TMTC1: variants seen among roughly 807,000 people sequenced by gnomAD.
The protein encoded by TMTC1 is transmembrane O-mannosyltransferase targeting cadherins 1.
In TMTC1, 73 loss-of-function variants were observed where a neutral mutation model predicts 104.8. The ratio of observed to expected loss-of-function variants is 0.70; its 90% CI spans 0.58 to 0.85. The LOEUF is 0.85. Ranked by LOEUF, TMTC1 falls within the 40% of genes least tolerant of loss-of-function variation. TMTC1 has a pLI of 0.00. For missense variants in TMTC1, 1,035 were observed against 1,096.1 expected (o/e 0.94, Z 0.79); for synonymous variants, 434 against 428.7 (o/e 1.01, Z -0.15).
intron 5 of TMTC1, among the ~76,000 whole-genome samples, chr12:29,708,760 T>C (rs1473012476): frequency 6.6e-6 from 1 of 152,184 alleles, no homozygotes; most frequent in Admixed American, 6.5e-5. Context: ...TGTACCGTCT[T>C]GAGCCCTTAG....
intron 5 of TMTC1, among the ~76,000 whole-genome samples, chr12:29,662,640 T>A (rs1181116883): frequency 1.2e-4 from 12 of 96,322 alleles, no homozygotes; most frequent in Admixed American, 9.6e-5. Flanking sequence ...ACAGTCCAGC[T>A]TGGGTGACAG....
chr12:29,621,718 G>C (rs1471969540), intron 6 of TMTC1, among the ~76,000 whole-genome samples: 1 of 152,182 alleles, frequency 6.6e-6, no homozygotes, highest in Non-Finnish European at 1.5e-5. Flanking sequence ...CTGTTTATCA[G>C]CTCTGTGTGG....
At chr12:29,758,243 G>A (rs1000958597) in intron 3 of TMTC1, among the ~76,000 whole-genome samples, 9 of 152,160 alleles carry the variant, frequency 5.9e-5, no homozygotes, top group African/African-American at 2.2e-4. Flanking sequence ...GAAAACCACA[G>A]TCGAGAAATG....
At chr12:29,536,003 C>A in intron 11 of TMTC1, 1 of 541,332 alleles carries the variant, frequency 1.8e-6, no homozygotes, top group Non-Finnish European at 3.2e-6. Context: ...AATAACGGAC[C>A]ATCTTTGTCT....
chr12:29,574,356 C>A (rs1945763875), intron 8 of TMTC1, among the ~76,000 whole-genome samples: 1 of 151,892 alleles, frequency 6.6e-6, no homozygotes, highest in Admixed American at 6.6e-5. Context: ...TAAGCCTGGG[C>A]CAGTTTTTTT....
chr12:29,783,464 G>A lies in TMTC1; in HGVS notation c.288C>T (p.Cys96=). The change falls in exon 1 of 18, where the codon TGC becomes TGT. Residue 96 remains cysteine (C), a synonymous_variant. Coordinates refer to ENST00000539277, the MANE Select transcript of TMTC1 (RefSeq NM_001193451.2). The surrounding 1 kb of genome is among the most constrained non-coding windows in gnomAD (Gnocchi z 4.7). The part of the protein sequence containing the change: ...NTSHKSYRPL[C]VLTFKLNIFL... ...GAGGGACTCACTTGAAGGTGAGGAC[G>A]CAGAGCGGCCGGTAGGACTTGTGGC... The A allele has an allele frequency of 1.5e-6, 2 of 1,332,780 alleles. No individual in the cohort carries two copies. Among genetic ancestry groups the A allele is most frequent in the Non-Finnish European group, 1.9e-6 (2 of 1,035,168 alleles). The allele number at this position is 1,332,780 out of a possible 1,614,324, so 82.6% of individuals were successfully genotyped here. A position where few individuals can be genotyped will look rare whatever the true frequency, so the allele number is the denominator to read the frequency against.
intron 6 of TMTC1, among the ~76,000 whole-genome samples, chr12:29,624,160 A>G (rs562502420): frequency 6.6e-6 from 1 of 152,148 alleles, no homozygotes; most frequent in East Asian, 2.0e-4. Flanking sequence ...TTATATTTTT[A>G]GTAAAGACAG....
intron 1 of TMTC1, among the ~76,000 whole-genome samples, chr12:29,777,827 CTA>C (rs1477574576): frequency 6.6e-6 from 1 of 152,166 alleles, no homozygotes; most frequent in Non-Finnish European, 1.5e-5. Context: ...CACTTGTGTC[CTA>C]TGATAGACTT....
chr12:29,680,676 A>C (rs1940884172), intron 5 of TMTC1, among the ~76,000 whole-genome samples: 1 of 152,160 alleles, frequency 6.6e-6, no homozygotes, highest in African/African-American at 2.4e-5. Context: ...GGCTTCCCTG[A>C]ATGTGTTAAT....
At chr12:29,711,321 G>A (rs1165347664) in intron 5 of TMTC1, among the ~76,000 whole-genome samples, 3 of 152,066 alleles carry the variant, frequency 2.0e-5, no homozygotes, top group Non-Finnish European at 4.4e-5. Context: ...ATGTATTCAG[G>A]AACAAGTTTC....
intron 11 of TMTC1, among the ~76,000 whole-genome samples, chr12:29,526,308 T>C (rs945143576): frequency 6.6e-6 from 1 of 152,174 alleles, no homozygotes; most frequent in Non-Finnish European, 1.5e-5. Flanking sequence ...TCTCCATGAG[T>C]ATATGCTTAA....
chr12:29,668,848 A>G (rs1645538282), intron 5 of TMTC1, among the ~76,000 whole-genome samples: 1 of 152,232 alleles, frequency 6.6e-6, no homozygotes, highest in Admixed American at 6.5e-5. Context: ...TTTCATACAA[A>G]TGAATGAAGT....
intron 5 of TMTC1, among the ~76,000 whole-genome samples, chr12:29,735,598 T>C (rs940803753): frequency 3.9e-5 from 6 of 152,236 alleles, no homozygotes; most frequent in Non-Finnish European, 7.3e-5. Flanking sequence ...AGGTGTTTAA[T>C]AAATTCTTGT....
At chr12:29,577,110 T>TG (rs1414151023) in intron 8 of TMTC1, among the ~76,000 whole-genome samples, 2 of 152,164 alleles carry the variant, frequency 1.3e-5, no homozygotes, top group African/African-American at 4.8e-5. Context: ...TAAGATAGCC[T>TG]GAAGGTTGTA....
Position 29,586,336 on chromosome 12 carries a change from C to A in TMTC1, c.1251-2762G>T, listed in dbSNP as rs573247035. Reference sequence around the variant, plus strand: ...CTTATCAGCTTAAGGAGATTTTGGGCTGAGATGATGGGGTTTTCTAGATAT... The same window carrying A: ...CTTATCAGCTTAAGGAGATTTTGGGATGAGATGATGGGGTTTTCTAGATAT... On this transcript the variant is annotated intron_variant, in intron 7 of 17. Transcript: ENST00000539277. Among the ~76,000 whole-genome samples, 285 of 152,150 alleles carry A rather than the reference C, an allele frequency of 1.9e-3. 1 individual carries two copies. The highest frequency in any genetic ancestry group is 5.8e-3 in the African/African-American group (239 of 41,498).
chr12:29,709,710 CA>C (rs1256654138), intron 5 of TMTC1, among the ~76,000 whole-genome samples: 2 of 152,216 alleles, frequency 1.3e-5, no homozygotes, highest in Non-Finnish European at 2.9e-5. Flanking sequence ...GCACCAATCA[CA>C]ACTTGACAAC....
chr12:29,678,944 A>G (rs1940821203), intron 5 of TMTC1, among the ~76,000 whole-genome samples: 1 of 152,190 alleles, frequency 6.6e-6, no homozygotes. Flanking sequence ...ATCAAAACCT[A>G]AAACATTTCT....
intron 7 of TMTC1, among the ~76,000 whole-genome samples, chr12:29,594,692 G>A (rs544745858): frequency 3.3e-5 from 5 of 152,284 alleles, no homozygotes; most frequent in African/African-American, 1.2e-4. Context: ...CAACACTTAG[G>A]TCCACCCACA....
intron 11 of TMTC1, chr12:29,521,148 G>C (rs1944143631): frequency 5.9e-6 from 1 of 169,904 alleles, no homozygotes; most frequent in Non-Finnish European, 1.2e-5. Flanking sequence ...AGGGCAGTCT[G>C]GGGAATTTGT....
Sources: gnomAD v4.1 joint callset for allele counts (sites outside exome capture counted in the v4.1 genomes callset) on GRCh38, gnomAD v4.1.1 for gene constraint, Gnocchi (gnomAD v3.1) non-coding constraint, MANE v1.5 for transcripts, NCBI Gene and HGNC (gene_info 2026-07-23, HGNC 2026-07-21) for gene names.